The following RALYL variants were observed in gnomAD, a reference collection of about 807,000 sequenced individuals.
RALYL encodes the protein RNA-binding Raly-like protein.
RALYL carries 29 observed loss-of-function variants against 35.1 expected under a neutral mutation model. The observed-to-expected ratio is 0.83, with a 90% CI of 0.61 to 1.13. The LOEUF (loss-of-function observed/expected upper bound fraction) is 1.13. Among genes scored for constraint, RALYL ranks in the 50% most tolerant of loss-of-function variants. The probability of loss-of-function intolerance (pLI) is 0.00; values close to 1 mark genes in which losing one functional copy is unlikely to be tolerated. For missense variants in RALYL, 359 were observed against 360.4 expected, an observed-to-expected ratio of 1.00 and a Z score of 0.03; for synonymous variants, 120 against 127.6, an observed-to-expected ratio of 0.94 and a Z score of 0.40.
intron 1 of RALYL, among the ~76,000 whole-genome samples, chr8:84,230,150 G>A (rs1379085083): frequency 2.6e-5 from 4 of 152,012 alleles, no homozygotes; most frequent in African/African-American, 9.7e-5. Context: ...CCAATAGACT[G>A]TATATAAGTA....
intron 2 of RALYL, among the ~76,000 whole-genome samples, chr8:84,546,454 G>A (rs2060366175): frequency 6.6e-6 from 1 of 152,152 alleles, no homozygotes. Context: ...ATGTACTTAT[G>A]TACTGAATTT....
intron 1 of RALYL, among the ~76,000 whole-genome samples, chr8:84,326,892 T>C (rs999230327): frequency 6.6e-6 from 1 of 152,166 alleles, no homozygotes; most frequent in African/African-American, 2.4e-5. Flanking sequence ...GTAGACTTTA[T>C]TCTAGGCATC....
At chr8:84,726,362 A>G (rs1844959579) in intron 2 of RALYL, among the ~76,000 whole-genome samples, 1 of 148,786 alleles carries the variant, frequency 6.7e-6, no homozygotes, top group Non-Finnish European at 1.5e-5. Context: ...AGTCCTGTGC[A>G]ATGTCTTCCT....
chr8:84,870,225 AT>A (rs2135193310), intron 6 of RALYL, among the ~76,000 whole-genome samples: 1 of 151,436 alleles, frequency 6.6e-6, no homozygotes, highest in East Asian at 1.9e-4. Context: ...ACAACCAGAG[AT>A]TTTTATTATG....
At chr8:84,364,132 T>C (rs6983050) in intron 1 of RALYL, among the ~76,000 whole-genome samples, 9,833 of 152,204 alleles carry the variant, frequency 0.065, 388 homozygotes, top group African/African-American at 0.086. Flanking sequence ...GATGGTGGGA[T>C]TGAGGATTAC....
At chr8:84,728,711 G>A (rs551155931) in intron 2 of RALYL, among the ~76,000 whole-genome samples, 23 of 151,994 alleles carry the variant, frequency 1.5e-4, no homozygotes, top group South Asian at 2.1e-4. Context: ...AGTTTTCCCA[G>A]CACCATTTAT....
At chr8:84,706,027 A>G (rs1841142899) in intron 2 of RALYL, 2 of 1,535,188 alleles carry the variant, frequency 1.3e-6, no homozygotes, top group Non-Finnish European at 1.7e-6. Flanking sequence ...TTTCAAAATG[A>G]CCATGTACAA....
intron 2 of RALYL, among the ~76,000 whole-genome samples, chr8:84,649,956 T>C (rs958094929): frequency 6.6e-6 from 1 of 152,164 alleles, no homozygotes; most frequent in African/African-American, 2.4e-5. Context: ...TTTTATTTCA[T>C]TGAGCAGTGC....
At chr8:84,617,709 G>T (rs1373506555) in intron 2 of RALYL, among the ~76,000 whole-genome samples, 1 of 150,838 alleles carries the variant, frequency 6.6e-6, no homozygotes, top group Non-Finnish European at 1.5e-5. Context: ...TGCCCATTCA[G>T]TATGATATTG....
At chr8:84,444,545 T>C (rs1300238596) in intron 1 of RALYL, among the ~76,000 whole-genome samples, 1 of 152,062 alleles carries the variant, frequency 6.6e-6, no homozygotes, top group African/African-American at 2.4e-5. Flanking sequence ...GTATGCACGC[T>C]AGATACATCA....
intron 2 of RALYL, among the ~76,000 whole-genome samples, chr8:84,625,833 C>T (rs780542405): frequency 3.3e-5 from 5 of 152,110 alleles, no homozygotes; most frequent in Non-Finnish European, 5.9e-5. Flanking sequence ...GAGCTGGAAC[C>T]TTAACCAGTG....
At chr8:84,254,922 C>T (rs1240121059) in intron 1 of RALYL, among the ~76,000 whole-genome samples, 1 of 151,844 alleles carries the variant, frequency 6.6e-6, no homozygotes, top group Non-Finnish European at 1.5e-5. Flanking sequence ...CATCAGATGT[C>T]GTGAGTGAGC....
chr8:84,293,009 A>G (rs530440340), intron 1 of RALYL, among the ~76,000 whole-genome samples: 3 of 152,310 alleles, frequency 2.0e-5, no homozygotes, highest in Non-Finnish European at 4.4e-5. Flanking sequence ...CCTTCTGAAT[A>G]TAGGTAGTGC....
At chr8:84,480,762 A>G (rs1309751900) in intron 1 of RALYL, among the ~76,000 whole-genome samples, 3 of 152,158 alleles carry the variant, frequency 2.0e-5, no homozygotes, top group African/African-American at 7.2e-5. Context: ...GATGACTTTT[A>G]TATCTGTACA....
chr8:84,507,994 C>T (rs1401468091), intron 1 of RALYL, among the ~76,000 whole-genome samples: 1 of 151,928 alleles, frequency 6.6e-6, no homozygotes, highest in Non-Finnish European at 1.5e-5. Context: ...GTCAAAGAAT[C>T]GAAATAAACA....
At chr8:84,502,012 T>A (rs995000030) in intron 1 of RALYL, among the ~76,000 whole-genome samples, 1 of 150,488 alleles carries the variant, frequency 6.6e-6, no homozygotes, top group Non-Finnish European at 1.5e-5. Flanking sequence ...AGGTGTAGAT[T>A]TTTTTCACAA....
rs543299072 is a variant in RALYL, at chr8:84,227,956, A to G, written c.-24+43532A>G. ...CAGAATTTAAAAGACACCTTCCTAGATCATAGAGAAGGCTTACTGACATGG... is the reference window on the plus strand; with the variant it reads ...CAGAATTTAAAAGACACCTTCCTAGGTCATAGAGAAGGCTTACTGACATGG... On this transcript the variant is annotated intron_variant, in intron 1 of 8. Coordinates refer to ENST00000521268, the MANE Select transcript of RALYL (RefSeq NM_173848.7). Among the ~76,000 whole-genome samples the G allele has an allele frequency of 3.9e-5, 6 of 152,246 alleles. No homozygotes were observed. The East Asian group carries it at 9.7e-4, about 24-fold the overall frequency.
At chr8:84,434,184 T>C (rs1325514388) in intron 1 of RALYL, among the ~76,000 whole-genome samples, 1 of 152,030 alleles carries the variant, frequency 6.6e-6, no homozygotes, top group Non-Finnish European at 1.5e-5. Flanking sequence ...GGCCTTCCCT[T>C]TGTGCCTGTG....
In RALYL at chr8:84,313,274, T is replaced by G. The variant is rs553006732; in HGVS notation, c.-24+128850T>G. On this transcript the variant is annotated intron_variant, in intron 1 of 8. Coordinates refer to ENST00000521268, the MANE Select transcript of RALYL (RefSeq NM_173848.7). Reference sequence around the variant, plus strand: ...TTTTCCTCCTAGGCCTCTAGGCCTGTGATGGGAGGGGCTGTCTCAAAGATC... The same window carrying G: ...TTTTCCTCCTAGGCCTCTAGGCCTGGGATGGGAGGGGCTGTCTCAAAGATC... Among the ~76,000 whole-genome samples the G allele has an allele frequency of 1.6e-3, 250 of 152,310 alleles. 1 individual carries two copies. The highest frequency in any genetic ancestry group is 1.7e-3 in the Non-Finnish European group (119 of 68,034).
Sources: gnomAD v4.1 joint callset for allele counts (sites outside exome capture counted in the v4.1 genomes callset) on GRCh38, gnomAD v4.1.1 for gene constraint, MANE v1.5 for transcripts, NCBI Gene and HGNC (gene_info 2026-07-23, HGNC 2026-07-21) for gene names.